RNF24: variants seen among roughly 807,000 people sequenced by gnomAD.
RNF24 encodes the protein ring finger protein 24.
RNF24 carries 14 observed loss-of-function variants against 20.0 expected under a neutral mutation model. That is an observed-to-expected ratio of 0.70 (90% CI 0.46 to 1.10). RNF24 has a LOEUF of 1.10. Among genes scored for constraint, RNF24 ranks in the 50% least tolerant of loss-of-function variants. The probability of loss-of-function intolerance (pLI) is 0.00; values close to 1 mark genes in which losing one functional copy is unlikely to be tolerated. For missense variants in RNF24, 124 were observed against 177.6 expected, an observed-to-expected ratio of 0.70 and a Z score of 1.71; for synonymous variants, 45 against 61.1, an observed-to-expected ratio of 0.74 and a Z score of 1.23.
rs2146965002 is a variant in RNF24 at position 3,949,894 on chromosome 20, T to A, written c.144-1615A>T. On this transcript the variant is annotated intron_variant, in intron 2 of 5. Transcript: ENST00000358395. ...AACTATGAAGATATTCTCCTGAGTA[T>A]GTTGTGAAAACAATTTGTTGTTTTA... 2.0e-5 allele frequency among the ~76,000 whole-genome samples: 3 copies of A among 152,348 alleles called. No individual in the cohort carries two copies. In the East Asian group the frequency reaches 5.8e-4, roughly 29 times the overall value.
chr20:3,934,239 C>A lies in RNF24; in HGVS notation c.309-38G>T. 1 of 1,588,276 alleles carries A rather than the reference C, an allele frequency of 6.3e-7. No individual in the cohort carries two copies. The highest frequency in any genetic ancestry group is 8.6e-7 in the Non-Finnish European group (1 of 1,168,526). The stretch of plus-strand genomic sequence containing the variant: ...ACACCACAGGGGGAAGATGTCAGTC[C>A]TATGCTCATGGCACGGCTGTTCTGC... On this transcript the variant is annotated intron_variant, in intron 5 of 5. Transcript: ENST00000358395. This position sits in a 1 kb window ranked among gnomAD's most constrained non-coding sequence, Gnocchi z 4.0.
At chr20:3,982,693 C>A (rs937813887) in intron 1 of RNF24, among the ~76,000 whole-genome samples, 1 of 151,954 alleles carries the variant, frequency 6.6e-6, no homozygotes, top group Admixed American at 6.6e-5. Context: ...CCCTGACTAG[C>A]CTGGGCAACA....
chr20:4,008,542 T>TTA (rs372491087), intron 1 of RNF24, among the ~76,000 whole-genome samples: 120 of 116,836 alleles, frequency 1.0e-3, no homozygotes, highest in African/African-American at 3.5e-3. Context: ...TTTATATATA[T>TTA]TATATATATA....
rs2090804429 is a variant in RNF24 at position 3,930,324 on chromosome 20, C to A, written c.*3739G>T. 6.6e-6 allele frequency: 1 copy of A among 152,238 alleles called. No homozygotes were observed. Among genetic ancestry groups the A allele is most frequent in the Admixed American group, 6.5e-5 (1 of 15,280 alleles). 9.4% of individuals were successfully genotyped at this position (152,238 alleles called of 1,614,324 possible). On this transcript the variant is annotated 3_prime_UTR_variant, in exon 6 of 6. Transcript: ENST00000358395. ...AGGTGAACCTGGGCCTCAGGGAAAGCCCCTACAGCTCAGGAAGCTTTTTGG... is the reference window on the plus strand; with the variant it reads ...AGGTGAACCTGGGCCTCAGGGAAAGACCCTACAGCTCAGGAAGCTTTTTGG...
intron 2 of RNF24, among the ~76,000 whole-genome samples, chr20:3,963,382 G>A (rs1278786282): frequency 2.0e-5 from 3 of 151,180 alleles, no homozygotes; most frequent in Admixed American, 6.6e-5. Context: ...TGGTAGAGAC[G>A]GAGTTCCACC....
intron 1 of RNF24, among the ~76,000 whole-genome samples, chr20:4,003,476 C>T: frequency 6.6e-6 from 1 of 152,104 alleles, no homozygotes; most frequent in East Asian, 1.9e-4. Flanking sequence ...TTTCCAGAAA[C>T]ATCTTCAAAG....
At chr20:3,998,668 A>G (rs188511809) in intron 1 of RNF24, among the ~76,000 whole-genome samples, 99 of 150,158 alleles carry the variant, frequency 6.6e-4, no homozygotes, top group African/African-American at 2.3e-3. Context: ...AGGCAGGAGA[A>G]TTGCTTGAAC....
In RNF24 at chr20:3,999,766, AAAACAAAC is replaced by A. The variant is rs760009715; in HGVS notation, c.-8+15663_-8+15670del. On this transcript the variant is annotated intron_variant, in intron 1 of 5. Coordinates refer to ENST00000358395, the MANE Select transcript of RNF24 (RefSeq NM_001134337.3). ...GCGAAACTCTGTCTCAAAACAAAAC[AAAACAAAC>A]AAACAAACAAAAAAAGTCACTTCAT... Among the ~76,000 whole-genome samples, 5 of 152,324 alleles carry A rather than the reference AAAACAAAC, an allele frequency of 3.3e-5. No individual in the cohort carries two copies. In the South Asian group the frequency reaches 1.0e-3, roughly 32 times the overall value.
rs186837273 is a variant in RNF24, at chr20:3,967,802, T to C, written c.-7-3778A>G. Among the ~76,000 whole-genome samples, 383 of 150,532 alleles carry C rather than the reference T, an allele frequency of 2.5e-3. 2 individuals are homozygous for C. Among genetic ancestry groups the C allele is most frequent in the Non-Finnish European group, 4.4e-3 (301 of 67,642 alleles). On this transcript the variant is annotated intron_variant, in intron 1 of 5. Coordinates refer to ENST00000358395, the MANE Select transcript of RNF24 (RefSeq NM_001134337.3). ...CGAGGTCAGGAGATCGAGACCATCT[T>C]GGCCAATATGGTGAAACTCTGTCTC...
intron 1 of RNF24, among the ~76,000 whole-genome samples, chr20:3,973,565 G>C (rs1280907053): frequency 7.0e-6 from 1 of 143,796 alleles, no homozygotes; most frequent in Non-Finnish European, 1.5e-5. Context: ...TTAAATAGGA[G>C]AGATCACTAC....
At chr20:3,980,225 A>G (rs553759575) in intron 1 of RNF24, among the ~76,000 whole-genome samples, 2 of 152,348 alleles carry the variant, frequency 1.3e-5, no homozygotes, top group East Asian at 3.9e-4. Context: ...CCCAATGGCA[A>G]TGAAAGTGGA....
In RNF24 at chr20:3,963,864, A is replaced by G; in HGVS notation, c.143+11T>C. The G allele has an allele frequency of 6.4e-7, 1 of 1,556,942 alleles. No homozygotes were observed. The highest frequency in any genetic ancestry group is 8.7e-7 in the Non-Finnish European group (1 of 1,145,204). On this transcript the variant is annotated intron_variant, in intron 2 of 5. Coordinates refer to ENST00000358395, the MANE Select transcript of RNF24 (RefSeq NM_001134337.3). ...CATATTTTGAAGTAACATAGAATGA[A>G]AATTGGTTACCTAATCAAGTAGCAA... is the stretch of plus-strand genomic sequence containing the variant.
At chr20:4,003,424 C>T (rs560184585) in intron 1 of RNF24, among the ~76,000 whole-genome samples, 11 of 152,266 alleles carry the variant, frequency 7.2e-5, no homozygotes, top group South Asian at 2.1e-4. Flanking sequence ...TTCAAATTAT[C>T]TTCCAAGCAA....
At chr20:3,959,746 T>C (rs1338826549) in intron 2 of RNF24, among the ~76,000 whole-genome samples, 8 of 152,236 alleles carry the variant, frequency 5.3e-5, no homozygotes, top group Non-Finnish European at 1.2e-4. Context: ...CTTTCATGTT[T>C]CTAAATAACT....
At chr20:3,962,160 C>T (rs1489746126) in intron 2 of RNF24, among the ~76,000 whole-genome samples, 1 of 152,032 alleles carries the variant, frequency 6.6e-6, no homozygotes, top group African/African-American at 2.4e-5. Flanking sequence ...TCAGACCAGC[C>T]TGGGAAACAT....
intron 2 of RNF24, among the ~76,000 whole-genome samples, chr20:3,957,131 C>T (rs576847362): frequency 6.6e-6 from 1 of 151,892 alleles, no homozygotes; most frequent in East Asian, 1.9e-4. Context: ...AACCCTGTCT[C>T]TACTAAAAAT....
intron 1 of RNF24, chr20:4,015,003 C>A (rs1052331639): frequency 6.6e-6 from 1 of 152,334 alleles, no homozygotes; most frequent in Non-Finnish European, 1.5e-5. Flanking sequence ...GCCGCACCCC[C>A]CAAGGCGCGC....
intron 1 of RNF24, among the ~76,000 whole-genome samples, chr20:4,007,719 T>C (rs374480550): frequency 5.7e-5 from 7 of 121,942 alleles, no homozygotes; most frequent in African/African-American, 2.0e-4. Flanking sequence ...CTGGGCAACA[T>C]AGTGAGACCC....
intron 1 of RNF24, among the ~76,000 whole-genome samples, chr20:3,979,846 G>A (rs959134733): frequency 6.6e-6 from 1 of 151,822 alleles, no homozygotes; most frequent in African/African-American, 2.4e-5. Context: ...TACTGTGTAG[G>A]TGTATAAGTG....
Sources: allele counts gnomAD v4.1 joint callset (sites outside exome capture counted in the v4.1 genomes callset), GRCh38; gene constraint gnomAD v4.1.1; non-coding constraint Gnocchi (gnomAD v3.1); transcripts MANE v1.5; gene names NCBI Gene and HGNC (gene_info 2026-07-23, HGNC 2026-07-21).